CLSTN2: variants seen among roughly 807,000 people sequenced by gnomAD.
CLSTN2 encodes the protein calsyntenin-2.
Under a neutral mutation model 101.2 loss-of-function variants are expected in CLSTN2, and 48 were observed. The ratio of observed to expected loss-of-function variants is 0.47; its 90% CI spans 0.38 to 0.60. CLSTN2 has a LOEUF of 0.60. Ranked by LOEUF, CLSTN2 falls within the 20% of genes least tolerant of loss-of-function variation. The pLI, the probability that CLSTN2 is intolerant of heterozygous loss-of-function variation, is 0.00. For missense variants in CLSTN2, 1,160 were observed against 1,238.2 expected (o/e 0.94, Z 0.95); for synonymous variants, 481 against 463.6 (o/e 1.04, Z -0.48).
chr3:140,340,483 C>A (rs1488645910), intron 2 of CLSTN2, among the ~76,000 whole-genome samples: 2 of 152,146 alleles, frequency 1.3e-5, no homozygotes, highest in African/African-American at 2.4e-5. Context: ...AGTAGTTATG[C>A]CTGGAAGACA....
intron 2 of CLSTN2, among the ~76,000 whole-genome samples, chr3:140,192,489 A>G (rs1365199011): frequency 1.3e-5 from 2 of 151,840 alleles, no homozygotes; most frequent in Non-Finnish European, 3.0e-5. Flanking sequence ...TGTTTAGTAC[A>G]TACACATTGA....
intron 1 of CLSTN2, among the ~76,000 whole-genome samples, chr3:140,046,216 A>G (rs2007877461): frequency 6.7e-6 from 1 of 149,422 alleles, no homozygotes; most frequent in South Asian, 2.1e-4. Context: ...GGGCATATAT[A>G]TTTAGGATAG....
At chr3:140,128,485 T>C (rs1396651257) in intron 1 of CLSTN2, among the ~76,000 whole-genome samples, 1 of 152,178 alleles carries the variant, frequency 6.6e-6, no homozygotes, top group East Asian at 1.9e-4. Flanking sequence ...GGGCAGGATA[T>C]TATAAACTAC....
intron 2 of CLSTN2, among the ~76,000 whole-genome samples, chr3:140,346,538 T>C (rs1204003212): frequency 5.3e-5 from 8 of 152,154 alleles, no homozygotes; most frequent in Admixed American, 4.6e-4. Flanking sequence ...TTAAACAGAG[T>C]TGTTCAATGA....
chr3:140,328,606 G>A (rs536055170), intron 2 of CLSTN2, among the ~76,000 whole-genome samples: 34 of 152,196 alleles, frequency 2.2e-4, no homozygotes, highest in Middle Eastern at 3.4e-3. Flanking sequence ...AGGCAAGGCC[G>A]CTCTGTTGAA....
chr3:140,216,525 T>C (rs1383086927), intron 2 of CLSTN2, among the ~76,000 whole-genome samples: 2 of 152,128 alleles, frequency 1.3e-5, no homozygotes, highest in African/African-American at 2.4e-5. Context: ...TTTCCACGTG[T>C]GCCTCTTTGC....
intron 2 of CLSTN2, among the ~76,000 whole-genome samples, chr3:140,266,816 T>C (rs551068187): frequency 1.0e-3 from 159 of 152,346 alleles, no homozygotes; most frequent in Non-Finnish European, 1.8e-3. Context: ...TTGTTCCACC[T>C]GGCCATGGTG....
In CLSTN2 at chr3:140,546,606, G is replaced by A. The variant is rs200822657; in HGVS notation, c.1599G>A (p.Lys533=). The change falls in exon 10 of 17, where the codon AAG becomes AAA. Residue 533 remains lysine (K), a synonymous_variant. Coordinates refer to ENST00000458420, the MANE Select transcript of CLSTN2 (RefSeq NM_022131.3). ...GCCCTGGCAAAATGGAAAGCCAGAA[G>A]GTGATCTCCTGCCTGCAGGCCTGCA... ...TIRPGKMESQ[K]VISCLQACKE... 2 of 1,614,098 alleles carry A rather than the reference G, an allele frequency of 1.2e-6. No homozygotes were observed. The highest frequency in any genetic ancestry group is 2.7e-5 in the African/African-American group (2 of 75,058).
At chr3:140,389,474 C>T (rs972235833) in intron 2 of CLSTN2, among the ~76,000 whole-genome samples, 6 of 152,194 alleles carry the variant, frequency 3.9e-5, no homozygotes, top group African/African-American at 1.4e-4. Context: ...GATCTTTTCC[C>T]TCTTTTTGGC....
chr3:140,344,303 T>C (rs1212312393), intron 2 of CLSTN2, among the ~76,000 whole-genome samples: 1 of 152,058 alleles, frequency 6.6e-6, no homozygotes, highest in African/African-American at 2.4e-5. Flanking sequence ...CATGGCAAAA[T>C]GGAGGAGCAC....
chr3:139,983,595 G>A (rs952291100), intron 1 of CLSTN2, among the ~76,000 whole-genome samples: 7 of 151,998 alleles, frequency 4.6e-5, no homozygotes, highest in African/African-American at 1.7e-4. Context: ...ATTTCTAAAA[G>A]TATAAAATTG....
rs139585689 is a variant in CLSTN2, at chr3:140,323,397, A to G, written c.233-80232A>G. Among the ~76,000 whole-genome samples, 110 of 152,360 alleles carry G rather than the reference A, an allele frequency of 7.2e-4. 1 individual carries two copies. The highest frequency in any genetic ancestry group is 2.6e-3 in the African/African-American group (110 of 41,580). On this transcript the variant is annotated intron_variant, in intron 2 of 16. Transcript: ENST00000458420. The stretch of plus-strand genomic sequence containing the variant: ...AGATAAAATAAGTTAGTATGCAAAG[A>G]GATTTTATAAAGCAGTAAGCTCCAC...
intron 10 of CLSTN2, among the ~76,000 whole-genome samples, chr3:140,548,625 G>C (rs2107787809): frequency 6.6e-6 from 1 of 152,346 alleles, no homozygotes; most frequent in South Asian, 2.1e-4. Flanking sequence ...AGATCCAAAA[G>C]TGTGAGTGAT....
intron 1 of CLSTN2, among the ~76,000 whole-genome samples, chr3:139,984,980 C>T (rs551480248): frequency 1.8e-4 from 28 of 152,294 alleles, no homozygotes; most frequent in African/African-American, 6.7e-4. Flanking sequence ...TACTTGCAAT[C>T]CAGTAACAAT....
At chr3:140,317,681 CT>C (rs368787957) in intron 2 of CLSTN2, among the ~76,000 whole-genome samples, 12 of 152,284 alleles carry the variant, frequency 7.9e-5, no homozygotes, top group African/African-American at 2.9e-4. Context: ...AGGTTTTTGA[CT>C]GTTACCTGAC....
chr3:140,476,342 C>T (rs553413193), intron 8 of CLSTN2, among the ~76,000 whole-genome samples: 159 of 152,336 alleles, frequency 1.0e-3, no homozygotes, highest in African/African-American at 3.8e-3. Context: ...ATATCAAGCA[C>T]TTTCTTTTAG....
intron 4 of CLSTN2, among the ~76,000 whole-genome samples, chr3:140,419,449 C>T (rs1442632150): frequency 7.6e-6 from 1 of 132,026 alleles, no homozygotes; most frequent in Middle Eastern, 3.7e-3. Context: ...TGCCACTGAA[C>T]TCCAGCCTGG....
In CLSTN2 at chr3:140,171,755, TAATATATAATATATAA is replaced by T. The variant is rs1416009456; in HGVS notation, c.110-4195_110-4180del. Among the ~76,000 whole-genome samples, 674 of 84,264 alleles carry T rather than the reference TAATATATAATATATAA, an allele frequency of 8.0e-3. 9 individuals are homozygous for T. The highest frequency in any genetic ancestry group is 0.028 in the African/African-American group (637 of 22,536). 55.3% of individuals were successfully genotyped at this position (84,264 alleles called of 152,430 possible). On this transcript the variant is annotated intron_variant, in intron 1 of 16. Coordinates refer to ENST00000458420, the MANE Select transcript of CLSTN2 (RefSeq NM_022131.3). Reference sequence around the variant, plus strand: ...ATAATATATTAATATATAATATGTATAATATATAATATATAATATGTATTATATAATATATAATATA... The same window carrying T: ...ATAATATATTAATATATAATATGTATTATGTATTATATAATATATAATATA...
At chr3:139,936,789 C>G (rs1190064283) in intron 1 of CLSTN2, among the ~76,000 whole-genome samples, 1 of 152,128 alleles carries the variant, frequency 6.6e-6, no homozygotes, top group Non-Finnish European at 1.5e-5. Context: ...TTATGTTTAT[C>G]TGTAATTTTT....
Sources: gnomAD v4.1 joint callset for allele counts (sites outside exome capture counted in the v4.1 genomes callset) on GRCh38, gnomAD v4.1.1 for gene constraint, MANE v1.5 for transcripts, NCBI Gene and HGNC (gene_info 2026-07-23, HGNC 2026-07-21) for gene names.